AAR2: variants seen among roughly 807,000 people sequenced by gnomAD.
AAR2 encodes the protein AAR2 splicing factor.
A neutral mutation model predicts 26.9 loss-of-function variants in AAR2; 31 were observed. The observed-to-expected ratio is 1.15, with a 90% CI of 0.86 to 1.55. The LOEUF (loss-of-function observed/expected upper bound fraction) is 1.55, where lower values mean the gene tolerates loss of function less well. AAR2 is among the 40% of genes most tolerant of loss of function. The pLI, the probability that AAR2 is intolerant of heterozygous loss-of-function variation, is 0.00. For synonymous variants in AAR2, 188 were observed against 196.1 expected (o/e 0.96, Z 0.34); for missense variants, 430 against 491.3 (o/e 0.88, Z 1.18).
At chr20:36,244,319 C>T (rs1164001694) in intron 2 of AAR2, among the ~76,000 whole-genome samples, 1 of 152,204 alleles carries the variant, frequency 6.6e-6, no homozygotes, top group Non-Finnish European at 1.5e-5. Context: ...GCTTGGGTAG[C>T]TTTACTTTTA....
At chr20:36,249,486 G>A (rs1473473170) in intron 3 of AAR2, among the ~76,000 whole-genome samples, 6 of 152,160 alleles carry the variant, frequency 3.9e-5, no homozygotes, top group African/African-American at 7.2e-5. Flanking sequence ...ACAATAGGCC[G>A]TATATGCTTT....
At chr20:36,245,582 C>A (rs1437162055) in intron 3 of AAR2, among the ~76,000 whole-genome samples, 2 of 152,222 alleles carry the variant, frequency 1.3e-5, no homozygotes, top group Non-Finnish European at 2.9e-5. Flanking sequence ...GAGGCAGAAG[C>A]TGCCACTGTC....
At chr20:36,245,500 A>G (rs1449193941) in intron 3 of AAR2, among the ~76,000 whole-genome samples, 5 of 152,228 alleles carry the variant, frequency 3.3e-5, no homozygotes, top group Non-Finnish European at 7.3e-5. Context: ...CTCCCTTTGC[A>G]AACAGATTAG....
chr20:36,253,494 T>C (rs1008070910), intron 3 of AAR2, among the ~76,000 whole-genome samples: 3 of 152,224 alleles, frequency 2.0e-5, no homozygotes, highest in African/African-American at 7.2e-5. Context: ...TTCCAGGGTA[T>C]TGGGAGGATC....
chr20:36,245,000 G>C, intron 3 of AAR2, 74 bp downstream of exon 3: 2 of 1,405,972 alleles, frequency 1.4e-6, no homozygotes, highest in Non-Finnish European at 1.0e-6. Flanking sequence ...TTTGTTTCTC[G>C]CTATTCTTCC....
Position 36,244,528 on chromosome 20 carries a change from G to C in AAR2, c.758-169G>C, listed in dbSNP as rs562607102. Among the ~76,000 whole-genome samples the C allele has an allele frequency of 7.2e-5, 11 of 152,292 alleles. No individual in the cohort carries two copies. In the East Asian group the frequency reaches 2.1e-3, roughly 29 times the overall value. Reference sequence around the variant, plus strand: ...CATAGCGGTTCAGCAGACATCTATTGAGTACCTGTTAGGTGCAAAATCTCC... The same window carrying C: ...CATAGCGGTTCAGCAGACATCTATTCAGTACCTGTTAGGTGCAAAATCTCC... On this transcript the variant is annotated intron_variant, in intron 2 of 3. Coordinates refer to ENST00000320849, the MANE Select transcript of AAR2 (RefSeq NM_001271874.2).
chr20:36,239,348 T>G (rs960825120), intron 1 of AAR2, among the ~76,000 whole-genome samples: 3 of 152,242 alleles, frequency 2.0e-5, no homozygotes, highest in African/African-American at 7.2e-5. Flanking sequence ...GGATATGTAC[T>G]TGATTTAATC....
intron 3 of AAR2, among the ~76,000 whole-genome samples, chr20:36,251,820 C>T (rs1230486939): frequency 2.0e-5 from 3 of 152,182 alleles, no homozygotes; most frequent in African/African-American, 7.2e-5. Flanking sequence ...GAATTTATTC[C>T]CAGGCAATGT....
intron 3 of AAR2, among the ~76,000 whole-genome samples, chr20:36,251,033 CA>C (rs1279057967): frequency 2.0e-5 from 3 of 151,870 alleles, no homozygotes; most frequent in South Asian, 2.1e-4. Flanking sequence ...CCTGTCTCTA[CA>C]AAAAATACAA....
At position 36,240,449 on chromosome 20, in the gene AAR2, G is replaced by A. The variant is rs201316006; in HGVS notation, c.581G>A (p.Arg194Gln). Reference protein sequence around the residue: ...ECKSYQEGLARLPEMKPRAGT... With the variant: ...ECKSYQEGLAQLPEMKPRAGT... Reference sequence around the variant, plus strand: ...AAAAGCTACCAAGAGGGCCTGGCCCGGCTACCAGAGATGAAGCCCAGAGCC... The same window carrying A: ...AAAAGCTACCAAGAGGGCCTGGCCCAGCTACCAGAGATGAAGCCCAGAGCC... The change falls in exon 2 of 4, where the codon CGG becomes CAG. Residue 194 changes from arginine (R) to glutamine (Q), a missense_variant. Physicochemically the swap from Arg to Gln is conservative, Grantham distance 43. Transcript: ENST00000320849. The A allele has an allele frequency of 2.4e-4, 393 of 1,614,080 alleles. No individual in the cohort carries two copies. The highest frequency in any genetic ancestry group is 1.2e-3 in the Middle Eastern group (7 of 6,084).
chr20:36,256,922 G>A lies in AAR2; in HGVS notation c.*1177G>A, dbSNP rs138146353. ...GAGCATAATGTACATTAAAGTCTTC[G>A]AGTTGAGACAATCCCCTTGTGTGTG... On this transcript the variant is annotated 3_prime_UTR_variant, in exon 4 of 4. Coordinates refer to ENST00000320849, the MANE Select transcript of AAR2 (RefSeq NM_001271874.2). The A allele has an allele frequency of 5.4e-4, 82 of 152,738 alleles. No homozygotes were observed. Among genetic ancestry groups the A allele is most frequent in the African/African-American group, 1.9e-3 (78 of 41,560 alleles). The allele number at this position is 152,738 out of a possible 1,614,324, so 9.5% of individuals were successfully genotyped here.
At chr20:36,252,118 C>T (rs2064784922) in intron 3 of AAR2, among the ~76,000 whole-genome samples, 2 of 152,174 alleles carry the variant, frequency 1.3e-5, no homozygotes, top group Admixed American at 1.3e-4. Flanking sequence ...GAACAGGGGT[C>T]TGAGCAGTTC....
At chr20:36,236,740 T>C (rs189513165) in intron 1 of AAR2, 3 of 152,364 alleles carry the variant, frequency 2.0e-5, no homozygotes, top group East Asian at 1.9e-4. Context: ...GAGACCCTGA[T>C]TGCACTCGAC....
intron 2 of AAR2, among the ~76,000 whole-genome samples, chr20:36,241,910 A>G (rs1167566998): frequency 6.6e-6 from 1 of 152,140 alleles, no homozygotes; most frequent in Non-Finnish European, 1.5e-5. Context: ...GCTGGTAGGA[A>G]CCTGTTGCCC....
Position 36,240,498 on chromosome 20 carries a change from G to T in AAR2, c.630G>T (p.Glu210Asp). Residue 210 changes from glutamate to aspartate, a missense_variant, in exon 2 of 4, where the codon GAG becomes GAT. Coordinates refer to ENST00000320849, the MANE Select transcript of AAR2 (RefSeq NM_001271874.2). ...CCGGGACAGAGATCCGCTTCTCAGA[G>T]CTGCCCACGCAGATGTTCCCAGAGG... ...PRAGTEIRFS[E>D]LPTQMFPEGA... The T allele has an allele frequency of 6.2e-7, 1 of 1,614,108 alleles. No homozygotes were observed. The highest frequency in any genetic ancestry group is 8.5e-7 in the Non-Finnish European group (1 of 1,180,040).
At chr20:36,242,076 T>C (rs567827570) in intron 2 of AAR2, among the ~76,000 whole-genome samples, 3 of 151,958 alleles carry the variant, frequency 2.0e-5, no homozygotes, top group African/African-American at 7.2e-5. Flanking sequence ...TATATATTTA[T>C]AAATTTTCCA....
At chr20:36,247,859 G>T (rs2064749122) in intron 3 of AAR2, among the ~76,000 whole-genome samples, 1 of 151,428 alleles carries the variant, frequency 6.6e-6, no homozygotes, top group South Asian at 2.1e-4. Flanking sequence ...AAAACAGTGA[G>T]ACTTTGTCTC....
chr20:36,239,220 G>T (rs2064650007), intron 1 of AAR2, among the ~76,000 whole-genome samples: 1 of 152,124 alleles, frequency 6.6e-6, no homozygotes, highest in Non-Finnish European at 1.5e-5. Context: ...ATGAGTGAAA[G>T]AAGAGGGGAG....
At chr20:36,252,020 A>C (rs1006670315) in intron 3 of AAR2, among the ~76,000 whole-genome samples, 1 of 152,196 alleles carries the variant, frequency 6.6e-6, no homozygotes, top group African/African-American at 2.4e-5. Flanking sequence ...TAATTGGGAC[A>C]CAATCCCCAC....
Sources: allele counts gnomAD v4.1 joint callset (sites outside exome capture counted in the v4.1 genomes callset), GRCh38; gene constraint gnomAD v4.1.1; transcripts MANE v1.5; gene names NCBI Gene and HGNC (gene_info 2026-07-23, HGNC 2026-07-21).